Variants in DISC1 observed in about 807,000 individuals in gnomAD.
DISC1 encodes the protein DISC1 scaffold protein, also known as disrupted in schizophrenia 1 protein.
A neutral mutation model predicts 84.5 loss-of-function variants in DISC1; 57 were observed. The ratio of observed to expected loss-of-function variants is 0.67; its 90% confidence interval spans 0.55 to 0.84. The LOEUF (loss-of-function observed/expected upper bound fraction) is 0.84, where lower values mean the gene tolerates loss of function less well. Ranked by LOEUF, DISC1 falls within the 40% of genes least tolerant of loss-of-function variation. The pLI is 0.00. For synonymous variants in DISC1, 411 were observed against 415.2 expected, an observed-to-expected ratio of 0.99 and a Z score of 0.12; for missense variants, 1,000 against 1,057.8, an observed-to-expected ratio of 0.95 and a Z score of 0.76.
intron 3 of DISC1, among the ~76,000 whole-genome samples, chr1:231,716,147 CG>C (rs1558407359): frequency 6.6e-6 from 1 of 152,028 alleles, no homozygotes; most frequent in Non-Finnish European, 1.5e-5. Flanking sequence ...CCGCTACCCC[CG>C]GGTGCTACAT....
Position 231,846,609 on chromosome 1 carries a change from C to T in DISC1, c.1981+28092C>T, listed in dbSNP as rs115885958. On this transcript the variant is annotated intron_variant, in intron 9 of 12. Transcript: ENST00000439617. ...CAGGTAGACACTCACGGTGCAGGGA[C>T]ACGCCAGTTCCAAATCGCATCTTTA... Among the ~76,000 whole-genome samples, 873 of 152,322 alleles carry T rather than the reference C, an allele frequency of 5.7e-3. 8 individuals are homozygous for T. Among genetic ancestry groups the T allele is most frequent in the African/African-American group, 0.02 (819 of 41,568 alleles).
chr1:232,000,293 T>C (rs1426116204), intron 10 of DISC1, among the ~76,000 whole-genome samples: 2 of 151,994 alleles, frequency 1.3e-5, no homozygotes, highest in Non-Finnish European at 2.9e-5. Flanking sequence ...GAACTAAAAA[T>C]ACAAAAACAG....
At chr1:232,012,733 C>T (rs1450788248) in intron 11 of DISC1, among the ~76,000 whole-genome samples, 2 of 152,218 alleles carry the variant, frequency 1.3e-5, no homozygotes, top group African/African-American at 4.8e-5. Flanking sequence ...TCTGGTGATA[C>T]TTTGTTATCA....
chr1:231,963,724 GA>G (rs1485724173), intron 10 of DISC1, among the ~76,000 whole-genome samples: 2 of 152,182 alleles, frequency 1.3e-5, no homozygotes, highest in African/African-American at 4.8e-5. Context: ...GTTAAAGAAG[GA>G]AAAGCTTTAT....
chr1:231,997,888 G>T (rs1666163643), intron 10 of DISC1, among the ~76,000 whole-genome samples: 1 of 151,802 alleles, frequency 6.6e-6, no homozygotes, highest in Admixed American at 6.6e-5. Context: ...AACTCATTTG[G>T]AAAATAAACA....
chr1:231,969,046 A>G (rs1661524708), intron 10 of DISC1, among the ~76,000 whole-genome samples: 1 of 152,164 alleles, frequency 6.6e-6, no homozygotes, highest in Admixed American at 6.5e-5. Flanking sequence ...CTACATTAAA[A>G]AACAAGTTTT....
chr1:231,638,535 G>T (rs563902809), intron 1 of DISC1, among the ~76,000 whole-genome samples: 99 of 152,128 alleles, frequency 6.5e-4, no homozygotes, highest in Non-Finnish European at 1.4e-3. Flanking sequence ...TGAGGTATAG[G>T]GGTCCAGTTT....
chr1:231,694,372 C>A lies in DISC1; in HGVS notation c.614C>A (p.Ala205Asp). The A allele has an allele frequency of 6.2e-7, 1 of 1,614,256 alleles. No homozygotes were observed. Among genetic ancestry groups the A allele is most frequent in the Non-Finnish European group, 8.5e-7 (1 of 1,180,048 alleles). Residue 205 changes from alanine to aspartate, a missense_variant, in exon 2 of 13, where the codon GCC (alanine) becomes GAC (aspartate). Coordinates refer to ENST00000439617, the MANE Select transcript of DISC1 (RefSeq NM_018662.3). ...CCAACCCCTCCTGGCTCTCACAGTG[C>A]CTTTACCTCAAGCTTTAGCTTTATT... ...VPPTPPGSHS[A>D]FTSSFSFIRL... is the part of the protein sequence containing the mutation.
At chr1:231,962,597 T>A (rs1199157001) in intron 10 of DISC1, among the ~76,000 whole-genome samples, 1 of 152,164 alleles carries the variant, frequency 6.6e-6, no homozygotes, top group Non-Finnish European at 1.5e-5. Flanking sequence ...GTATAAAAGC[T>A]GAGAATTTCT....
At chr1:231,952,691 T>TA (rs1658659355) in intron 9 of DISC1, among the ~76,000 whole-genome samples, 5 of 141,838 alleles carry the variant, frequency 3.5e-5, no homozygotes, top group Non-Finnish European at 4.6e-5. Flanking sequence ...ATATATATGT[T>TA]TATATATATA....
At chr1:231,844,137 TC>T (rs1322296771) in intron 9 of DISC1, among the ~76,000 whole-genome samples, 3 of 152,130 alleles carry the variant, frequency 2.0e-5, no homozygotes, top group Admixed American at 6.5e-5. Flanking sequence ...TTTGTGGGGT[TC>T]CCCTGCCTTT....
intron 1 of DISC1, among the ~76,000 whole-genome samples, chr1:231,690,116 A>G (rs891126642): frequency 4.6e-5 from 7 of 152,182 alleles, no homozygotes; most frequent in African/African-American, 1.7e-4. Flanking sequence ...GACTGTGTAT[A>G]GAGACCCATT....
chr1:231,762,843 C>T (rs989908908), intron 4 of DISC1, among the ~76,000 whole-genome samples: 1 of 152,110 alleles, frequency 6.6e-6, no homozygotes, highest in Admixed American at 6.5e-5. Flanking sequence ...TTTATCAAGT[C>T]AATTTGTTCC....
intron 8 of DISC1, among the ~76,000 whole-genome samples, chr1:231,814,282 G>A (rs984408536): frequency 9.2e-5 from 14 of 152,102 alleles, no homozygotes; most frequent in Admixed American, 2.6e-4. Context: ...CCAGATTTCC[G>A]CTTTCCCAGC....
chr1:231,966,421 T>TA (rs1661131989), intron 10 of DISC1, among the ~76,000 whole-genome samples: 3 of 152,254 alleles, frequency 2.0e-5, no homozygotes, highest in Non-Finnish European at 2.9e-5. Context: ...TTATCTGTTA[T>TA]CTTTTTTAAA....
chr1:231,931,946 C>A (rs1328316246), intron 9 of DISC1, among the ~76,000 whole-genome samples: 1 of 152,116 alleles, frequency 6.6e-6, no homozygotes, highest in Non-Finnish European at 1.5e-5. Context: ...GCCACCAACC[C>A]CTGGTCCCAC....
chr1:231,718,443 T>G (rs2069094733), intron 3 of DISC1, among the ~76,000 whole-genome samples: 1 of 151,594 alleles, frequency 6.6e-6, no homozygotes, highest in Non-Finnish European at 1.5e-5. Flanking sequence ...TCTCTTTTTT[T>G]TTTTTTTTTT....
intron 6 of DISC1, among the ~76,000 whole-genome samples, chr1:231,777,071 TTCTC>T (rs1288386538): frequency 6.6e-6 from 1 of 152,100 alleles, no homozygotes; most frequent in Non-Finnish European, 1.5e-5. Context: ...GGCTTTGTCT[TTCTC>T]TCTCCTCTGT....
At chr1:232,002,595 G>GCACACACA (rs55740228) in intron 10 of DISC1, among the ~76,000 whole-genome samples, 241 of 143,734 alleles carry the variant, frequency 1.7e-3, no homozygotes, top group East Asian at 9.7e-3. Flanking sequence ...ATTATGCTGA[G>GCACACACA]CACACACACA....
Sources: allele counts gnomAD v4.1 joint callset (sites outside exome capture counted in the v4.1 genomes callset), GRCh38; gene constraint gnomAD v4.1.1; transcripts MANE v1.5; gene names NCBI Gene and HGNC (gene_info 2026-07-23, HGNC 2026-07-21).